The following HPX variants were observed in gnomAD, a reference collection of about 807,000 sequenced individuals.
HPX encodes hemopexin.
HPX carries 42 observed loss-of-function variants against 53.8 expected under a neutral mutation model. That is an observed-to-expected ratio of 0.78 (90% CI 0.61 to 1.01). The LOEUF is 1.01. Among genes scored for constraint, HPX ranks in the 50% least tolerant of loss-of-function variants. The pLI, the probability that HPX is intolerant of heterozygous loss-of-function variation, is 0.00. For missense variants in HPX, 547 were observed against 594.3 expected, an observed-to-expected ratio of 0.92 and a Z score of 0.83; for synonymous variants, 229 against 221.1, an observed-to-expected ratio of 1.04 and a Z score of -0.32.
chr11:6,436,129 T>C (rs144006214), intron 7 of HPX, among the ~76,000 whole-genome samples: 81 of 152,334 alleles, frequency 5.3e-4, no homozygotes, highest in African/African-American at 1.8e-3. Context: ...TATGTTCTTA[T>C]TATAGTGTGC....
At chr11:6,440,602 AACCAG>A in intron 2 of HPX, 64 bp from the exon 3 acceptor site, 3 of 1,271,622 alleles carry the variant, frequency 2.4e-6, no homozygotes, top group Non-Finnish European at 3.3e-6. Context: ...AAAAAAAAAA[AACCAG>A]AAGGTGATAA....
chr11:6,431,957 T>C lies in HPX; in HGVS notation c.896A>G (p.His299Arg), dbSNP rs959587998. The C allele has an allele frequency of 6.2e-7, 1 of 1,614,114 alleles. No homozygotes were observed. The highest frequency in any genetic ancestry group is 8.5e-7 in the Non-Finnish European group (1 of 1,180,040). ...RDGWHSWPIA[H>R]QWPQGPSAVD... ...TGCTGAAGGACCCTGGGGCCACTGA[T>C]GAGCAATGGGCCAGCTATGCCAGCC... The change falls in exon 8 of 10, where the codon CAT (histidine) becomes CGT (arginine). Residue 299 changes from histidine to arginine, a missense_variant. By Grantham distance (29) the His-to-Arg change is conservative. Coordinates refer to ENST00000265983, the MANE Select transcript of HPX (RefSeq NM_000613.3).
intron 7 of HPX, 143 bp from the exon 8 acceptor site, chr11:6,432,160 A>G (rs764253021): frequency 6.2e-5 from 54 of 866,070 alleles, no homozygotes; most frequent in Non-Finnish European, 9.3e-5. Flanking sequence ...AGAAGGAGAA[A>G]TAGAGCAAGA....
rs553184854 is a variant in HPX, at chr11:6,431,476, G to A, written c.1130-6C>T. ...CAGCCACCACAGCCGCCGTCCTGGGGAGAAGGCACCAAACATAGCATGGCT... is the reference window on the plus strand; with the variant it reads ...CAGCCACCACAGCCGCCGTCCTGGGAAGAAGGCACCAAACATAGCATGGCT... On this transcript the variant is annotated splice_polypyrimidine_tract_variant and splice_region_variant and intron_variant, in intron 9 of 9. Transcript: ENST00000265983. 4 of 1,613,950 alleles carry A rather than the reference G, an allele frequency of 2.5e-6. No individual in the cohort carries two copies. Among genetic ancestry groups the A allele is most frequent in the Non-Finnish European group, 3.4e-6 (4 of 1,179,988 alleles).
At chr11:6,440,791 GA>G in intron 1 of HPX, 61 bp from the exon 2 acceptor site, 1 of 1,594,386 alleles carries the variant, frequency 6.3e-7, no homozygotes, top group Non-Finnish European at 8.6e-7. Context: ...CATAGCCCCT[GA>G]CCCCAAATTT....
In HPX at chr11:6,437,064, C is replaced by T. The variant is rs756114755; in HGVS notation, c.817G>A (p.Ala273Thr). The T allele has an allele frequency of 4.3e-6, 7 of 1,614,092 alleles. No homozygotes were observed. The highest frequency in any genetic ancestry group is 5.9e-6 in the Non-Finnish European group (7 of 1,179,986). The change falls in exon 7 of 10, where the codon GCC becomes ACC. Residue 273 changes from alanine (A) to threonine (T), a missense_variant. Coordinates refer to ENST00000265983, the MANE Select transcript of HPX (RefSeq NM_000613.3). The part of the protein sequence containing the change: ...LSALTSDNHG[A>T]TYAFSGTHYW... ...CTCTCACCACTGAAGGCATAGGTGG[C>T]ACCATGGTTGTCAGACGTCAGTGCA...
chr11:6,437,253 C>T, intron 6 of HPX, 76 bp from the exon 7 acceptor site: 1 of 1,531,474 alleles, frequency 6.5e-7, no homozygotes, highest in Non-Finnish European at 8.9e-7. Context: ...GAAGAGATGG[C>T]TGGGGTTAGT....
chr11:6,440,700 G>A lies in HPX; in HGVS notation c.114C>T (p.Gly38=), dbSNP rs113295804. The A allele has an allele frequency of 1.8e-3, 2,891 of 1,612,564 alleles. 9 individuals carry two copies. The highest frequency in any genetic ancestry group is 9.7e-3 in the Middle Eastern group (59 of 6,054). Residue 38 remains glycine (G), a synonymous_variant, in exon 2 of 10, where the codon GGC becomes GGT. Transcript: ENST00000265983. ...PTSAHGNVAE[G]ETKPDPDVTE... ...TCACGTCTGGGTCTGGCTTGGTCTC[G>A]CCTTCAGCAACATTCCCATGGGCAC... is the stretch of plus-strand genomic sequence containing the variant.
In HPX at chr11:6,431,353, T is replaced by C; in HGVS notation, c.1247A>G (p.Asn416Ser). 1 of 1,614,102 alleles carries C rather than the reference T, an allele frequency of 6.2e-7. No homozygotes were observed. Among genetic ancestry groups the C allele is most frequent in the African/African-American group, 1.3e-5 (1 of 75,020 alleles). The change falls in exon 10 of 10, where the codon AAC becomes AGC. Residue 416 changes from asparagine (N) to serine (S), a missense_variant. Asn to Ser is a conservative substitution (Grantham distance 46). Coordinates refer to ENST00000265983, the MANE Select transcript of HPX (RefSeq NM_000613.3). ...GCCGGGACCATTGGCGGAACATGAG[T>C]TAGGGCCAAGGGACTTTTCCATACA... ...ALCMEKSLGP[N>S]SCSANGPGLY...
At position 6,440,966 on chromosome 11, in the gene HPX, T is replaced by C. The variant is rs1224336604; in HGVS notation, c.-3A>G. ...GGTGCTCCCAGTACCCTAGCCATGC[T>C]GAGCTGCAGAGGCCACAGGACAGCT... is the stretch of plus-strand genomic sequence containing the variant. On this transcript the variant is annotated 5_prime_UTR_variant, in exon 1 of 10. Coordinates refer to ENST00000265983, the MANE Select transcript of HPX (RefSeq NM_000613.3). 1.9e-6 allele frequency: 3 copies of C among 1,599,964 alleles called. No individual in the cohort carries two copies. The highest frequency in any genetic ancestry group is 2.6e-6 in the Non-Finnish European group (3 of 1,172,128).
chr11:6,436,429 A>G (rs969614505), intron 7 of HPX, among the ~76,000 whole-genome samples: 1 of 152,170 alleles, frequency 6.6e-6, no homozygotes, highest in African/African-American at 2.4e-5. Flanking sequence ...GCTTTTACCA[A>G]TTGATGCCAC....
intron 4 of HPX, chr11:6,439,842 C>T: frequency 2.7e-6 from 1 of 375,854 alleles, no homozygotes; most frequent in Non-Finnish European, 5.1e-6. Context: ...ACTTGCCTTG[C>T]CCTATGAAGA....
chr11:6,434,319 ATTTAT>A (rs1333976634), intron 7 of HPX, among the ~76,000 whole-genome samples: 1 of 151,956 alleles, frequency 6.6e-6, no homozygotes, highest in Non-Finnish European at 1.5e-5. Context: ...CAGGAACCAT[ATTTAT>A]TTTATTTTAT....
chr11:6,432,778 T>A (rs539452159), intron 7 of HPX, among the ~76,000 whole-genome samples: 5 of 152,330 alleles, frequency 3.3e-5, no homozygotes, highest in African/African-American at 1.2e-4. Context: ...TTTTGACTAC[T>A]CTTTTCTTCA....
intron 4 of HPX, 37 bp from the exon 5 acceptor site, chr11:6,438,546 C>T (rs768742951): frequency 6.3e-7 from 1 of 1,591,220 alleles, no homozygotes; most frequent in South Asian, 1.1e-5. Context: ...ACTGTGCATC[C>T]CCAGATACTG....
chr11:6,438,023 T>C, intron 5 of HPX: 1 of 484,846 alleles, frequency 2.1e-6, no homozygotes, highest in Non-Finnish European at 3.7e-6. Context: ...AGTGTTAAGG[T>C]AAAAGTATAA....
chr11:6,438,631 T>G, intron 4 of HPX, 122 bp from the exon 5 acceptor site: 1 of 865,300 alleles, frequency 1.2e-6, no homozygotes. Context: ...ACATTCTCAG[T>G]CCATCTGTGG....
chr11:6,438,843 CATTT>C (rs1462029723), intron 4 of HPX, among the ~76,000 whole-genome samples: 11 of 151,830 alleles, frequency 7.2e-5, no homozygotes, highest in African/African-American at 2.4e-4. Context: ...TTCATTTCTT[CATTT>C]ATTTATTCAT....
Position 6,434,597 on chromosome 11 carries a change from T to C in HPX, c.835+2449A>G, listed in dbSNP as rs527754632. 2.1e-4 allele frequency among the ~76,000 whole-genome samples: 32 copies of C among 152,168 alleles called. 1 individual carries two copies. The East Asian group carries it at 5.4e-3, about 26-fold the overall frequency. ...CTGCCCCCCTCGGCCTCCCACAGTG[T>C]TGGGATTATAGGCATGAGCCACCAC... On this transcript the variant is annotated intron_variant, in intron 7 of 9. Transcript: ENST00000265983.
Sources: allele counts gnomAD v4.1 joint callset (sites outside exome capture counted in the v4.1 genomes callset), GRCh38; gene constraint gnomAD v4.1.1; transcripts MANE v1.5; gene names NCBI Gene and HGNC (gene_info 2026-07-23, HGNC 2026-07-21).